RUNX1: variants seen among roughly 807,000 people sequenced by gnomAD.
RUNX1 encodes RUNX family transcription factor 1, also known as runt-related transcription factor 1.
RUNX1 carries 19 observed loss-of-function variants against 42.8 expected under a neutral mutation model. That is an observed-to-expected ratio of 0.44 (90% CI 0.31 to 0.65). The LOEUF (loss-of-function observed/expected upper bound fraction) is 0.65. RUNX1 is among the 30% of genes least tolerant of loss of function. The pLI is 0.07. For missense variants in RUNX1, 528 were observed against 672.0 expected, an observed-to-expected ratio of 0.79 and a Z score of 2.37; for synonymous variants, 271 against 289.4, an observed-to-expected ratio of 0.94 and a Z score of 0.64.
Position 34,907,606 on chromosome 21 carries a change from G to T in RUNX1, c.59-14643C>A, listed in dbSNP as rs2058233436. On this transcript the variant is annotated intron_variant, in intron 2 of 8. Transcript: ENST00000675419. The surrounding 1 kb of genome is among the most constrained non-coding windows in gnomAD (Gnocchi z 5.3). The stretch of plus-strand genomic sequence containing the variant: ...CTTGACTTGGTGTTTGGCTCCCTGT[G>T]ACTCTCTGAAGTTCTCCTTTCTGTG... Among the ~76,000 whole-genome samples the T allele has an allele frequency of 6.6e-6, 1 of 151,494 alleles. No individual in the cohort carries two copies. The highest frequency in any genetic ancestry group is 6.6e-5 in the Admixed American group (1 of 15,218).
intron 2 of RUNX1, among the ~76,000 whole-genome samples, chr21:34,967,161 A>G (rs2058725129): frequency 6.6e-6 from 1 of 151,216 alleles, no homozygotes; most frequent in Non-Finnish European, 1.5e-5. Flanking sequence ...TCTACTAAAA[A>G]TACAAAAAAT....
At chr21:35,043,082 A>C (rs2147018141) in intron 2 of RUNX1, among the ~76,000 whole-genome samples, 1 of 152,098 alleles carries the variant, frequency 6.6e-6, no homozygotes, top group East Asian at 1.9e-4. Flanking sequence ...TTATCCTCCC[A>C]GCATGTTGAA....
chr21:34,912,937 A>C (rs898367376), intron 2 of RUNX1, among the ~76,000 whole-genome samples: 4 of 152,186 alleles, frequency 2.6e-5, no homozygotes, highest in African/African-American at 9.7e-5. Context: ...CAGGCATAGA[A>C]ATGGCAGGAG....
chr21:34,857,756 T>C (rs1453539773), intron 6 of RUNX1, among the ~76,000 whole-genome samples: 1 of 152,140 alleles, frequency 6.6e-6, no homozygotes, highest in Admixed American at 6.5e-5. Flanking sequence ...CAAACTTGCT[T>C]TGGTGTTTAT....
chr21:34,870,365 G>A (rs2057719535), intron 5 of RUNX1, among the ~76,000 whole-genome samples: 1 of 152,200 alleles, frequency 6.6e-6, no homozygotes, highest in East Asian at 1.9e-4. Flanking sequence ...GGCTTAGACA[G>A]GTCAAGTAGC....
chr21:34,979,001 C>A (rs1271146704), intron 2 of RUNX1, among the ~76,000 whole-genome samples: 2 of 145,782 alleles, frequency 1.4e-5, no homozygotes, highest in Admixed American at 1.4e-4. Context: ...CCATCCTGGG[C>A]CAGGTAGGTT....
chr21:34,895,630 G>A (rs1218864912), intron 2 of RUNX1, among the ~76,000 whole-genome samples: 1 of 152,042 alleles, frequency 6.6e-6, no homozygotes, highest in Non-Finnish European at 1.5e-5. Flanking sequence ...GGCTGAATAA[G>A]CATCATGAAT....
intron 2 of RUNX1, among the ~76,000 whole-genome samples, chr21:35,005,567 T>C (rs1035608953): frequency 3.3e-5 from 5 of 152,190 alleles, no homozygotes; most frequent in African/African-American, 1.2e-4. Flanking sequence ...GGCTCCACAG[T>C]TCCATCCTCA....
chr21:34,996,381 G>T (rs766057049), intron 2 of RUNX1, among the ~76,000 whole-genome samples: 17 of 152,132 alleles, frequency 1.1e-4, no homozygotes, highest in Admixed American at 1.3e-4. Flanking sequence ...TGGGGTCAGA[G>T]GCTGGGAACT....
At chr21:34,926,803 T>G (rs1238303962) in intron 2 of RUNX1, among the ~76,000 whole-genome samples, 3 of 151,990 alleles carry the variant, frequency 2.0e-5, no homozygotes, top group Non-Finnish European at 4.4e-5. Context: ...AGCATTTAGC[T>G]TTCACCATTG....
At chr21:34,819,480 G>A (rs535024698) in intron 7 of RUNX1, among the ~76,000 whole-genome samples, 62 of 152,318 alleles carry the variant, frequency 4.1e-4, no homozygotes, top group African/African-American at 1.4e-3. Flanking sequence ...AAGGGAGGGG[G>A]CCCAGAAGCC....
At chr21:34,864,544 G>A (rs752042884) in intron 5 of RUNX1, among the ~76,000 whole-genome samples, 24 of 152,354 alleles carry the variant, frequency 1.6e-4, no homozygotes, top group Non-Finnish European at 2.2e-4. Flanking sequence ...AGAGGCTTTG[G>A]TCAGTGCACA....
chr21:34,854,105 C>T (rs1021090921), intron 6 of RUNX1, among the ~76,000 whole-genome samples: 63 of 152,260 alleles, frequency 4.1e-4, no homozygotes, highest in Admixed American at 1.5e-3. Context: ...GGAGCCACTG[C>T]GCCTGGCCCA....
chr21:34,859,622 C>T (rs376664923), intron 5 of RUNX1, 44 bp from the exon 6 acceptor site: 2 of 1,422,896 alleles, frequency 1.4e-6, no homozygotes, highest in African/African-American at 2.8e-5. Context: ...AGGTTGGTGG[C>T]CTGAACATAT....
rs943704345 is a variant in RUNX1 at position 34,808,242 on chromosome 21, A to T, written c.806-8780T>A. On this transcript the variant is annotated intron_variant, in intron 7 of 8. Coordinates refer to ENST00000675419, the MANE Select transcript of RUNX1 (RefSeq NM_001754.5). ...CTCAGATGCATTCGTTGTTCCAGCA[A>T]TTACTTTGAAGAGAAGCAGACAGAC... Among the ~76,000 whole-genome samples the T allele has an allele frequency of 1.3e-5, 2 of 152,184 alleles. 1 individual carries two copies. The highest frequency in any genetic ancestry group is 1.3e-4 in the Admixed American group (2 of 15,284).
At chr21:34,936,859 C>A (rs968810973) in intron 2 of RUNX1, among the ~76,000 whole-genome samples, 5 of 151,324 alleles carry the variant, frequency 3.3e-5, no homozygotes, top group African/African-American at 1.2e-4. Flanking sequence ...GAAAAGAATT[C>A]TTTTTTTTTC....
At chr21:34,924,128 G>A (rs1211614796) in intron 2 of RUNX1, among the ~76,000 whole-genome samples, 1 of 152,182 alleles carries the variant, frequency 6.6e-6, no homozygotes, top group African/African-American at 2.4e-5. Flanking sequence ...CCCCTATGAT[G>A]GCTAACTTCT....
At chr21:34,976,701 A>G (rs1474252417) in intron 2 of RUNX1, among the ~76,000 whole-genome samples, 1 of 152,262 alleles carries the variant, frequency 6.6e-6, no homozygotes, top group Non-Finnish European at 1.5e-5. Flanking sequence ...AAAATCAAAC[A>G]GAGAACCTAG....
At chr21:34,854,920 T>C (rs978530222) in intron 6 of RUNX1, among the ~76,000 whole-genome samples, 1 of 152,084 alleles carries the variant, frequency 6.6e-6, no homozygotes, top group Admixed American at 6.5e-5. Flanking sequence ...TTTCCAAAAT[T>C]ACAGCCAGCT....
Sources: allele counts gnomAD v4.1 joint callset (sites outside exome capture counted in the v4.1 genomes callset), GRCh38; gene constraint gnomAD v4.1.1; non-coding constraint Gnocchi (gnomAD v3.1); transcripts MANE v1.5; gene names NCBI Gene and HGNC (gene_info 2026-07-23, HGNC 2026-07-21).